LMNTD1: variants seen among roughly 807,000 people sequenced by gnomAD.
LMNTD1 encodes lamin tail domain-containing protein 1.
Under a neutral mutation model 50.9 loss-of-function variants are expected in LMNTD1, and 35 were observed. That is an observed-to-expected ratio of 0.69 (90% CI 0.53 to 0.91). The LOEUF (loss-of-function observed/expected upper bound fraction) is 0.91. Ranked by LOEUF, LMNTD1 falls within the 40% of genes least tolerant of loss-of-function variation. LMNTD1 has a pLI of 0.00. For synonymous variants in LMNTD1, 153 were observed against 161.9 expected (o/e 0.94, Z 0.42); for missense variants, 470 against 475.5 (o/e 0.99, Z 0.11).
intron 4 of LMNTD1, among the ~76,000 whole-genome samples, chr12:25,528,017 T>G (rs1440524645): frequency 6.6e-6 from 1 of 152,058 alleles, no homozygotes; most frequent in Non-Finnish European, 1.5e-5. Context: ...GGGTGTTATA[T>G]GATATGTGTT....
At chr12:25,525,486 C>T (rs1185197795) in intron 6 of LMNTD1, among the ~76,000 whole-genome samples, 1 of 152,100 alleles carries the variant, frequency 6.6e-6, no homozygotes, top group Non-Finnish European at 1.5e-5. Flanking sequence ...GAGTACCTTC[C>T]TTATCCCACT....
At chr12:25,572,428 G>A (rs73078338) in intron 1 of LMNTD1, among the ~76,000 whole-genome samples, 14,406 of 152,110 alleles carry the variant, frequency 0.095, 836 homozygotes, top group Non-Finnish European at 0.13. Context: ...TTTCCAAAGC[G>A]TCAATATAAA....
chr12:25,570,500 TA>T (rs1944742611), intron 1 of LMNTD1, among the ~76,000 whole-genome samples: 1 of 152,164 alleles, frequency 6.6e-6, no homozygotes, highest in African/African-American at 2.4e-5. Context: ...GTGCAGTGGC[TA>T]GGCAGTGTTG....
intron 4 of LMNTD1, among the ~76,000 whole-genome samples, chr12:25,542,508 G>A (rs1333134876): frequency 7.1e-6 from 1 of 140,078 alleles, no homozygotes; most frequent in Non-Finnish European, 1.5e-5. Flanking sequence ...ACTCATAGGT[G>A]GGAATTGAAC....
chr12:25,500,331 A>C (rs1939315485), intron 9 of LMNTD1, among the ~76,000 whole-genome samples: 1 of 152,172 alleles, frequency 6.6e-6, no homozygotes, highest in Non-Finnish European at 1.5e-5. Context: ...AAGTGGCCCC[A>C]GGAGAAACTG....
chr12:25,627,082 C>T (rs1202209568), intron 1 of LMNTD1, among the ~76,000 whole-genome samples: 1 of 152,124 alleles, frequency 6.6e-6, no homozygotes, highest in African/African-American at 2.4e-5. Context: ...CCTTTTTCTC[C>T]CAACTCTCTG....
At chr12:25,546,333 C>T in intron 4 of LMNTD1, 41 bp downstream of exon 4, 2 of 1,334,410 alleles carry the variant, frequency 1.5e-6, no homozygotes, top group Non-Finnish European at 2.0e-6. Flanking sequence ...ATTGGTCCTA[C>T]CCCGACAGAA....
At chr12:25,559,078 G>C (rs1014662502) in intron 1 of LMNTD1, among the ~76,000 whole-genome samples, 1 of 151,232 alleles carries the variant, frequency 6.6e-6, no homozygotes, top group South Asian at 2.1e-4. Flanking sequence ...TAAGTTCTAG[G>C]GTACATGTGT....
intron 1 of LMNTD1, among the ~76,000 whole-genome samples, chr12:25,584,671 T>C (rs1945446478): frequency 6.6e-6 from 1 of 152,244 alleles, no homozygotes; most frequent in African/African-American, 2.4e-5. Flanking sequence ...CAAAGAATGA[T>C]TCCTTTTAAA....
chr12:25,536,762 C>T (rs1942606339), intron 4 of LMNTD1, among the ~76,000 whole-genome samples: 1 of 152,256 alleles, frequency 6.6e-6, no homozygotes, highest in South Asian at 2.1e-4. Flanking sequence ...GTCTACAGCT[C>T]CCAGCCTGAG....
At chr12:25,646,270 A>C (rs1220913441) in intron 1 of LMNTD1, among the ~76,000 whole-genome samples, 1 of 151,790 alleles carries the variant, frequency 6.6e-6, no homozygotes, top group Admixed American at 6.6e-5. Flanking sequence ...CAGTGTCCCT[A>C]AATGAGTTCC....
At chr12:25,608,840 T>C (rs889297336) in intron 1 of LMNTD1, among the ~76,000 whole-genome samples, 5 of 152,348 alleles carry the variant, frequency 3.3e-5, no homozygotes, top group African/African-American at 1.2e-4. Context: ...TGGCATTCTC[T>C]GTATTTCCTG....
intron 1 of LMNTD1, among the ~76,000 whole-genome samples, chr12:25,637,462 T>C (rs1161797728): frequency 6.6e-6 from 1 of 152,114 alleles, no homozygotes; most frequent in Non-Finnish European, 1.5e-5. Context: ...ATTAAAAATA[T>C]GGTAACTAAA....
At position 25,500,715 on chromosome 12, in the gene LMNTD1, C is replaced by T. The variant is rs562952558; in HGVS notation, c.*22+3023G>A. ...CTAGCAAGTCTAAACGTTCACACGA[C>T]AGGTGGCAGCCACACAGGAAAATTA... On this transcript the variant is annotated intron_variant, in intron 9 of 9. Coordinates refer to ENST00000458174, the MANE Select transcript of LMNTD1 (RefSeq NM_001145728.2). 2.0e-5 allele frequency among the ~76,000 whole-genome samples: 3 copies of T among 152,252 alleles called. No homozygotes were observed. The South Asian group carries it at 6.2e-4, about 32-fold the overall frequency.
intron 8 of LMNTD1, among the ~76,000 whole-genome samples, chr12:25,505,888 A>C (rs905685351): frequency 6.6e-6 from 1 of 152,190 alleles, no homozygotes; most frequent in African/African-American, 2.4e-5. Flanking sequence ...ATATTGACTA[A>C]TACTCTGCCT....
At chr12:25,602,516 T>C (rs1172453786) in intron 1 of LMNTD1, among the ~76,000 whole-genome samples, 1 of 152,026 alleles carries the variant, frequency 6.6e-6, no homozygotes, top group Admixed American at 6.6e-5. Context: ...GACTACCTTT[T>C]CTTGGCAAGT....
intron 9 of LMNTD1, among the ~76,000 whole-genome samples, chr12:25,492,497 T>C (rs1429796538): frequency 6.6e-6 from 1 of 152,220 alleles, no homozygotes; most frequent in African/African-American, 2.4e-5. Context: ...AGATAGTAGA[T>C]GATAAAGGAG....
At chr12:25,628,245 TC>T (rs1017622156) in intron 1 of LMNTD1, among the ~76,000 whole-genome samples, 2 of 151,590 alleles carry the variant, frequency 1.3e-5, no homozygotes, top group Admixed American at 1.3e-4. Context: ...AATCTGTGCC[TC>T]CATAATTCAC....
chr12:25,524,201 G>A (rs1277490058), intron 6 of LMNTD1, among the ~76,000 whole-genome samples: 2 of 152,100 alleles, frequency 1.3e-5, no homozygotes, highest in Non-Finnish European at 2.9e-5. Flanking sequence ...TTAAAGCATT[G>A]TTTCACTGTA....
Sources: allele counts gnomAD v4.1 joint callset (sites outside exome capture counted in the v4.1 genomes callset), GRCh38; gene constraint gnomAD v4.1.1; transcripts MANE v1.5; gene names NCBI Gene and HGNC (gene_info 2026-07-23, HGNC 2026-07-21).